ERCC5: variants seen among roughly 807,000 people sequenced by gnomAD.
ERCC5 encodes the protein ERCC excision repair 5, endonuclease.
A neutral mutation model predicts 105.6 loss-of-function variants in ERCC5; 68 were observed. The ratio of observed to expected loss-of-function variants is 0.64; its 90% CI spans 0.53 to 0.79. The LOEUF (loss-of-function observed/expected upper bound fraction) is 0.79, where lower values mean the gene tolerates loss of function less well. ERCC5 is among the 30% of genes least tolerant of loss of function. The probability of loss-of-function intolerance (pLI) is 0.00; values close to 1 mark genes in which losing one functional copy is unlikely to be tolerated. For synonymous variants in ERCC5, 546 were observed against 526.2 expected, an observed-to-expected ratio of 1.04 and a Z score of -0.51; for missense variants, 1,373 against 1,426.7, an observed-to-expected ratio of 0.96 and a Z score of 0.61.
At position 102,865,665 on chromosome 13, in the gene ERCC5, A is replaced by T. The variant is rs1303675333; in HGVS notation, c.1955-2A>T. On this transcript the variant is annotated splice_acceptor_variant, in intron 8 of 14. Coordinates refer to ENST00000652225, the MANE Select transcript of ERCC5 (RefSeq NM_000123.4). LOFTEE classifies it high-confidence loss of function. This position sits in a 1 kb window ranked among gnomAD's most constrained non-coding sequence, Gnocchi z 4.0. Reference sequence around the variant, plus strand: ...TGAAGTGACCTTTTAATTTTGGTACAGGAAGTTTCATTGAAGTGCAAAGTG... The same window carrying T: ...TGAAGTGACCTTTTAATTTTGGTACTGGAAGTTTCATTGAAGTGCAAAGTG... 1 of 1,613,538 alleles carries T rather than the reference A, an allele frequency of 6.2e-7. No homozygotes were observed. The highest frequency in any genetic ancestry group is 8.5e-7 in the Non-Finnish European group (1 of 1,179,784).
intron 7 of ERCC5, 117 bp downstream of exon 7, chr13:102,861,831 C>G: frequency 7.3e-7 from 1 of 1,378,074 alleles, no homozygotes; most frequent in Non-Finnish European, 1.0e-6. Flanking sequence ...TATGTAATAA[C>G]TGTATACTGC....
chr13:102,849,662 A>G (rs532105803), intron 1 of ERCC5, among the ~76,000 whole-genome samples: 21 of 152,278 alleles, frequency 1.4e-4, no homozygotes, highest in African/African-American at 4.1e-4. Flanking sequence ...GCAGATATTT[A>G]TTGTGTATAA....
Position 102,868,225 on chromosome 13 carries a change from T to C in ERCC5, c.2646T>C (p.Pro882=). 6.2e-7 allele frequency: 1 copy of C among 1,614,236 alleles called. No homozygotes were observed. The change falls in exon 12 of 15, where the codon CCT becomes CCC. Residue 882 remains proline (P), a synonymous_variant. Coordinates refer to ENST00000652225, the MANE Select transcript of ERCC5 (RefSeq NM_000123.4). ...CCATGGAAATTCTCAATGAATTCCC[T>C]GGGCATGGCCTGGAACCTCTCCTAA... The part of the protein sequence containing the change: ...VTAMEILNEF[P]GHGLEPLLKF...
In ERCC5 at chr13:102,862,362, G is replaced by A. The variant is rs759789249; in HGVS notation, c.1213G>A (p.Ala405Thr). 1.2e-6 allele frequency: 2 copies of A among 1,614,170 alleles called. No homozygotes were observed. Among genetic ancestry groups the A allele is most frequent in the Admixed American group, 3.3e-5 (2 of 60,010 alleles). Reference protein sequence around the residue: ...LDDDEDVKVCAGDDVQTGGPG... With the variant: ...LDDDEDVKVCTGDDVQTGGPG... ...CGATGACGAAGATGTAAAAGTGTGT[G>A]CTGGGGATGATGTGCAGACGGGAGG... Residue 405 changes from alanine to threonine, a missense_variant, in exon 8 of 15, where the codon GCT (alanine) becomes ACT (threonine). Physicochemically the swap from Ala to Thr is moderately conservative, Grantham distance 58. Coordinates refer to ENST00000652225, the MANE Select transcript of ERCC5 (RefSeq NM_000123.4).
chr13:102,863,200 C>A (rs1178633083), intron 8 of ERCC5, 97 bp downstream of exon 8: 17 of 1,364,264 alleles, frequency 1.2e-5, no homozygotes, highest in Non-Finnish European at 1.7e-5. Flanking sequence ...TAACTTTTTA[C>A]AGATAAGGAA....
Position 102,854,298 on chromosome 13 carries a change from C to T in ERCC5, c.391C>T (p.Leu131=), listed in dbSNP as rs746810920. 1.9e-6 allele frequency: 3 copies of T among 1,614,184 alleles called. No homozygotes were observed. The highest frequency in any genetic ancestry group is 3.3e-5 in the Admixed American group (2 of 60,032). ...TAFRSKRDEA[L]PSLTQVRREN... ...TTGTGTACTTTCCAGAGATGAAGCA[C>T]TACCCAGTCTTACCCAAGTTCGAAG... The change falls in exon 4 of 15, where the codon CTA becomes TTA. Residue 131 remains leucine, a synonymous_variant. Transcript: ENST00000652225.
intron 12 of ERCC5, among the ~76,000 whole-genome samples, chr13:102,870,751 A>G (rs948618686): frequency 2.0e-5 from 3 of 152,178 alleles, no homozygotes; most frequent in Admixed American, 6.5e-5. Flanking sequence ...TTCCAACGCT[A>G]GATGGCACTC....
In ERCC5 at chr13:102,875,762, T is replaced by C. The variant is rs201369509; in HGVS notation, c.3420T>C (p.Asn1140=). Residue 1140 remains asparagine, a synonymous_variant, in exon 15 of 15, where the codon AAT becomes AAC. Transcript: ENST00000652225. Reference sequence around the variant, plus strand: ...CAGTGAAGGAAGCTCCCGTGAAGAATGGAGGTGCGACCACCAGCAGCTCTA... The same window carrying C: ...CAGTGAAGGAAGCTCCCGTGAAGAACGGAGGTGCGACCACCAGCAGCTCTA... ...QNSVKEAPVK[N]GGATTSSSSD... is the part of the protein sequence containing the mutation. 6.2e-6 allele frequency: 10 copies of C among 1,614,104 alleles called. No homozygotes were observed. The highest frequency in any genetic ancestry group is 8.5e-6 in the Non-Finnish European group (10 of 1,180,012).
At chr13:102,846,490 T>C (rs1337598041) in intron 1 of ERCC5, 136 bp downstream of exon 1, 1 of 769,812 alleles carries the variant, frequency 1.3e-6, no homozygotes, top group Non-Finnish European at 2.3e-6. Context: ...AGAATCTCTG[T>C]CACTAGGTTT....
intron 4 of ERCC5, among the ~76,000 whole-genome samples, 193 bp downstream of exon 4, chr13:102,854,567 T>G (rs759081190): frequency 3.3e-5 from 5 of 152,248 alleles, no homozygotes; most frequent in Non-Finnish European, 7.3e-5. Context: ...GTTTTGGTGA[T>G]TCATGATTCT....
intron 6 of ERCC5, among the ~76,000 whole-genome samples, chr13:102,859,680 G>C (rs1882550618): frequency 2.0e-5 from 3 of 152,162 alleles, no homozygotes; most frequent in South Asian, 4.1e-4. Flanking sequence ...ACTGTAGGGT[G>C]GTGTGGAGTA....
intron 1 of ERCC5, chr13:102,849,121 A>G: frequency 1.9e-6 from 1 of 518,910 alleles, no homozygotes. Context: ...TTTCCAGACT[A>G]TACTTGTAGC....
chr13:102,872,844 T>A (rs1032345193), intron 13 of ERCC5, among the ~76,000 whole-genome samples: 2 of 152,260 alleles, frequency 1.3e-5, no homozygotes, highest in East Asian at 3.8e-4. Context: ...AATCTTGTCC[T>A]TTTTATTACT....
At chr13:102,866,237 C>G (rs1264820077) in intron 9 of ERCC5, 25 bp from the exon 10 acceptor site, 1 of 1,612,398 alleles carries the variant, frequency 6.2e-7, no homozygotes, top group Admixed American at 1.7e-5. Flanking sequence ...TAATATAAAT[C>G]TATAAATGAA....
chr13:102,861,744 AT>A, intron 7 of ERCC5, 30 bp downstream of exon 7: 1 of 1,612,040 alleles, frequency 6.2e-7, no homozygotes, highest in Non-Finnish European at 8.5e-7. Context: ...ATATATTTAC[AT>A]TAAAAAATCA....
intron 6 of ERCC5, among the ~76,000 whole-genome samples, chr13:102,859,663 G>C (rs1248119501): frequency 5.3e-5 from 8 of 152,244 alleles, no homozygotes; most frequent in Non-Finnish European, 1.2e-4. Context: ...GTCTCTGGAA[G>C]TGGTGGACTG....
chr13:102,849,525 C>T (rs1165867940), intron 1 of ERCC5: 1 of 452,008 alleles, frequency 2.2e-6, no homozygotes, highest in African/African-American at 2.0e-5. Context: ...AGCTTGCTTT[C>T]CACTAGGTAT....
At chr13:102,853,933 AT>A in intron 3 of ERCC5, 61 bp downstream of exon 3, 1 of 1,468,692 alleles carries the variant, frequency 6.8e-7, no homozygotes, top group Non-Finnish European at 9.5e-7. Flanking sequence ...TTTTGTCTTG[AT>A]TTCCTGCGAT....
At chr13:102,866,576 C>T in intron 10 of ERCC5, 56 bp from the exon 11 acceptor site, 2 of 1,607,830 alleles carry the variant, frequency 1.2e-6, no homozygotes, top group Non-Finnish European at 8.5e-7. Flanking sequence ...TCCCCCTGTG[C>T]TCAGGGCCTG....
Sources: gnomAD v4.1 joint callset for allele counts (sites outside exome capture counted in the v4.1 genomes callset) on GRCh38, gnomAD v4.1.1 for gene constraint, Gnocchi (gnomAD v3.1) non-coding constraint, MANE v1.5 for transcripts, NCBI Gene and HGNC (gene_info 2026-07-23, HGNC 2026-07-21) for gene names.